Variants in ERICH6B observed in about 807,000 individuals in gnomAD.
ERICH6B encodes the protein glutamate-rich protein 6B.
In ERICH6B, 69 loss-of-function variants were observed where a neutral mutation model predicts 80.0. The observed-to-expected ratio is 0.86, with a 90% CI of 0.71 to 1.05. The LOEUF is 1.05. Ranked by LOEUF, ERICH6B falls within the 50% of genes least tolerant of loss-of-function variation. The pLI, the probability that ERICH6B is intolerant of heterozygous loss-of-function variation, is 0.00. For synonymous variants in ERICH6B, 283 were observed against 291.9 expected (o/e 0.97, Z 0.31); for missense variants, 754 against 796.1 (o/e 0.95, Z 0.64).
intron 1 of ERICH6B, among the ~76,000 whole-genome samples, chr13:45,608,982 C>T (rs188179142): frequency 1.3e-5 from 2 of 152,302 alleles, no homozygotes; most frequent in African/African-American, 4.8e-5. Context: ...CGAATCAATC[C>T]GTAAGTCCTC....
chr13:45,574,617 C>G (rs1304355538), intron 8 of ERICH6B, among the ~76,000 whole-genome samples: 1 of 152,092 alleles, frequency 6.6e-6, no homozygotes, highest in Non-Finnish European at 1.5e-5. Context: ...CCAGGTTGCC[C>G]CATCTACATA....
At chr13:45,579,537 C>A (rs1875566615) in intron 7 of ERICH6B, among the ~76,000 whole-genome samples, 1 of 152,108 alleles carries the variant, frequency 6.6e-6, no homozygotes, top group Non-Finnish European at 1.5e-5. Flanking sequence ...ACTTACTGCA[C>A]CATTTGTAGG....
chr13:45,547,772 A>C (rs1461950274), intron 13 of ERICH6B, among the ~76,000 whole-genome samples: 1 of 152,084 alleles, frequency 6.6e-6, no homozygotes, highest in Non-Finnish European at 1.5e-5. Flanking sequence ...AGCTGATATA[A>C]ACTTTACTTT....
At chr13:45,596,246 C>A in intron 3 of ERICH6B, 123 bp downstream of exon 3, 1 of 1,248,632 alleles carries the variant, frequency 8.0e-7, no homozygotes, top group Non-Finnish European at 1.1e-6. Context: ...ACTAGAGTTA[C>A]CATCCTTTGG....
intron 2 of ERICH6B, among the ~76,000 whole-genome samples, chr13:45,603,480 G>A (rs1949838644): frequency 6.6e-6 from 1 of 152,194 alleles, no homozygotes; most frequent in African/African-American, 2.4e-5. Flanking sequence ...TTCAGTGCCT[G>A]CAATGTCCTC....
Position 45,596,561 on chromosome 13 carries a change from C to G in ERICH6B, c.445G>C (p.Glu149Gln), listed in dbSNP as rs1876384395. Residue 149 changes from glutamate (E) to glutamine (Q), a missense_variant, in exon 3 of 15, where the codon GAA becomes CAA. Physicochemically the swap from Glu to Gln is conservative, Grantham distance 29. Coordinates refer to ENST00000298738, the MANE Select transcript of ERICH6B (RefSeq NM_182542.3). ...YLGKEGYLEK[E>Q]DYIEEVDYLG... Reference sequence around the variant, plus strand: ...TAATCTACCTCCTCAATATAATCTTCCTTCTCCAGATACCCTTCCTTCCCC... The same window carrying G: ...TAATCTACCTCCTCAATATAATCTTGCTTCTCCAGATACCCTTCCTTCCCC... 4 of 1,551,190 alleles carry G rather than the reference C, an allele frequency of 2.6e-6. No individual in the cohort carries two copies. Among genetic ancestry groups the G allele is most frequent in the Non-Finnish European group, 3.5e-6 (4 of 1,146,280 alleles).
At chr13:45,572,959 T>TGATG (rs150487009) in intron 8 of ERICH6B, among the ~76,000 whole-genome samples, 1,881 of 150,742 alleles carry the variant, frequency 0.012, 20 homozygotes, top group Middle Eastern at 0.024. Context: ...GTCGAGGATA[T>TGATG]GATGGAGGAG....
At chr13:45,558,700 T>C (rs1205843552) in intron 11 of ERICH6B, among the ~76,000 whole-genome samples, 1 of 152,238 alleles carries the variant, frequency 6.6e-6, no homozygotes, top group Non-Finnish European at 1.5e-5. Context: ...TCATGTGATT[T>C]TTGTTTTTAA....
intron 4 of ERICH6B, among the ~76,000 whole-genome samples, chr13:45,589,433 C>T (rs958728016): frequency 6.6e-6 from 1 of 152,188 alleles, no homozygotes; most frequent in Non-Finnish European, 1.5e-5. Flanking sequence ...GGGTGCAGAA[C>T]GGAGGATGAC....
At position 45,587,079 on chromosome 13, in the gene ERICH6B, GCAC is replaced by G; in HGVS notation, c.837_839del (p.Trp279del). 1 of 1,551,648 alleles carries G rather than the reference GCAC, an allele frequency of 6.4e-7. No individual in the cohort carries two copies. Among genetic ancestry groups the G allele is most frequent in the Non-Finnish European group, 8.7e-7 (1 of 1,146,958 alleles). ...TTCCCTCACCGGCAGTTCTGTCGTA[GCAC>G]CAGTCTGTCTGACTGGCCTGGCTCC... On this transcript the variant is annotated inframe_deletion, in exon 5 of 15. Coordinates refer to ENST00000298738, the MANE Select transcript of ERICH6B (RefSeq NM_182542.3).
At chr13:45,614,116 C>T (rs541808949) in intron 1 of ERICH6B, among the ~76,000 whole-genome samples, 4 of 152,276 alleles carry the variant, frequency 2.6e-5, no homozygotes, top group Admixed American at 6.5e-5. Flanking sequence ...AATATATTAA[C>T]GGGCCCTCTT....
At chr13:45,548,314 C>G (rs1874069011) in intron 13 of ERICH6B, among the ~76,000 whole-genome samples, 1 of 152,232 alleles carries the variant, frequency 6.6e-6, no homozygotes, top group African/African-American at 2.4e-5. Context: ...GGAATTCTAG[C>G]AGTTAGGGTC....
intron 13 of ERICH6B, among the ~76,000 whole-genome samples, chr13:45,547,336 T>G (rs1242754882): frequency 6.6e-6 from 1 of 152,218 alleles, no homozygotes; most frequent in East Asian, 1.9e-4. Flanking sequence ...ATGGCTCCCA[T>G]CAGAGTTCTC....
At position 45,545,051 on chromosome 13, in the gene ERICH6B, C is replaced by T. The variant is rs1873939876; in HGVS notation, c.1647-66G>A. The T allele has an allele frequency of 8.6e-6, 11 of 1,281,704 alleles. No individual in the cohort carries two copies. In the South Asian group the frequency reaches 1.5e-4, roughly 18 times the overall value. 79.4% of individuals were successfully genotyped at this position (1,281,704 alleles called of 1,614,324 possible). ...GCCCTGGGCCTCTGCTCCTCCTCTT[C>T]TCCTTCCCTTTCTTTTCCCCTACTT... On this transcript the variant is annotated intron_variant, in intron 13 of 14. Coordinates refer to ENST00000298738, the MANE Select transcript of ERICH6B (RefSeq NM_182542.3).
chr13:45,548,990 A>G (rs901760182), intron 13 of ERICH6B, among the ~76,000 whole-genome samples: 2 of 152,246 alleles, frequency 1.3e-5, no homozygotes, highest in African/African-American at 4.8e-5. Context: ...CCAAGATAAT[A>G]TAAGTCCCTT....
At chr13:45,604,039 T>A (rs1188746651) in intron 2 of ERICH6B, among the ~76,000 whole-genome samples, 1 of 152,170 alleles carries the variant, frequency 6.6e-6, no homozygotes, top group African/African-American at 2.4e-5. Flanking sequence ...CCAGATGCAC[T>A]GTTGTGGGCC....
chr13:45,550,806 G>T (rs780418782), intron 11 of ERICH6B, among the ~76,000 whole-genome samples: 2 of 152,070 alleles, frequency 1.3e-5, no homozygotes, highest in East Asian at 1.9e-4. Flanking sequence ...TCTTCATGTG[G>T]TGCTCTCTGT....
intron 10 of ERICH6B, among the ~76,000 whole-genome samples, chr13:45,562,263 C>T (rs1377441044): frequency 1.3e-5 from 2 of 152,212 alleles, no homozygotes; most frequent in Non-Finnish European, 2.9e-5. Context: ...GTCTCAAACT[C>T]CTGGCCTGAA....
intron 2 of ERICH6B, among the ~76,000 whole-genome samples, chr13:45,601,692 A>T (rs923622188): frequency 6.6e-6 from 1 of 152,234 alleles, no homozygotes; most frequent in African/African-American, 2.4e-5. Context: ...GGGTCCAGTC[A>T]GCTGCATTCT....
Sources: gnomAD v4.1 joint callset for allele counts (sites outside exome capture counted in the v4.1 genomes callset) on GRCh38, gnomAD v4.1.1 for gene constraint, MANE v1.5 for transcripts, NCBI Gene and HGNC (gene_info 2026-07-23, HGNC 2026-07-21) for gene names.